SMIM14: variants seen among roughly 807,000 people sequenced by gnomAD.
SMIM14 encodes small integral membrane protein 14.
In SMIM14, 5 loss-of-function variants were observed where a neutral mutation model predicts 12.6. The observed-to-expected ratio is 0.40, with a 90% confidence interval of 0.21 to 0.83. The LOEUF (loss-of-function observed/expected upper bound fraction) is 0.83. Among genes scored for constraint, SMIM14 ranks in the 40% least tolerant of loss-of-function variants. The pLI is 0.37. For synonymous variants in SMIM14, 30 were observed against 40.1 expected (o/e 0.75, Z 0.95); for missense variants, 86 against 119.1 (o/e 0.72, Z 1.29).
rs1418438503 is a variant in SMIM14 at position 39,590,289 on chromosome 4, T to G, written c.75+14782A>C. On this transcript the variant is annotated intron_variant, in intron 2 of 4. Coordinates refer to ENST00000295958, the MANE Select transcript of SMIM14 (RefSeq NM_174921.3). ...TTAGCTGGGCGTGGTGGCGCTTGCC[T>G]GTAATCCCAGCTACTCAGGAGGCTG... 4.6e-5 allele frequency among the ~76,000 whole-genome samples: 7 copies of G among 151,632 alleles called. No individual in the cohort carries two copies. The East Asian group carries it at 1.4e-3, about 30-fold the overall frequency.
intron 2 of SMIM14, among the ~76,000 whole-genome samples, chr4:39,592,000 G>A (rs147346908): frequency 1.3e-5 from 2 of 151,722 alleles, no homozygotes; most frequent in South Asian, 2.1e-4. Flanking sequence ...TGAGACCAGC[G>A]TAGGCAACAC....
chr4:39,611,243 C>G (rs1450587699), intron 1 of SMIM14, among the ~76,000 whole-genome samples: 1 of 152,178 alleles, frequency 6.6e-6, no homozygotes, highest in Non-Finnish European at 1.5e-5. Context: ...CGGTGGCTCA[C>G]GCCTATAATC....
chr4:39,575,749 AT>A (rs35325470), intron 2 of SMIM14, among the ~76,000 whole-genome samples: 17,083 of 132,024 alleles, frequency 0.13, 1,057 homozygotes, highest in East Asian at 0.23. Context: ...ATGCCCAGCT[AT>A]TTTTTTTTTT....
chr4:39,576,656 A>ATG (rs202151412), intron 2 of SMIM14, among the ~76,000 whole-genome samples: 2,078 of 31,180 alleles, frequency 0.067, 146 homozygotes, highest in Admixed American at 0.12. Flanking sequence ...GTGTGTGTGT[A>ATG]TGTGTATATA....
intron 1 of SMIM14, among the ~76,000 whole-genome samples, chr4:39,620,179 G>GA (rs112205096): frequency 7.3e-4 from 98 of 133,414 alleles, no homozygotes; most frequent in Non-Finnish European, 7.9e-4. Context: ...TCTCTATTAA[G>GA]AAAAAAAAAA....
chr4:39,574,771 C>CGAATTCGTTTACAAAA (rs1415583875), intron 2 of SMIM14, among the ~76,000 whole-genome samples: 1 of 152,142 alleles, frequency 6.6e-6, no homozygotes, highest in Non-Finnish European at 1.5e-5. Context: ...GAATTAACAA[C>CGAATTCGTTTACAAAA]TAAACGAATC....
At chr4:39,587,324 G>A (rs904832905) in intron 2 of SMIM14, among the ~76,000 whole-genome samples, 27 of 150,960 alleles carry the variant, frequency 1.8e-4, no homozygotes, top group Non-Finnish European at 2.5e-4. Flanking sequence ...GTGAAACCCC[G>A]TCTCTACTAA....
chr4:39,557,416 T>C (rs368112356), intron 3 of SMIM14, among the ~76,000 whole-genome samples: 5 of 152,258 alleles, frequency 3.3e-5, no homozygotes, highest in African/African-American at 1.2e-4. Context: ...ATTCTTAATA[T>C]TTTGGGGTAA....
Position 39,547,479 on chromosome 4 carries a change from G to T in SMIM14, c.*4647C>A, listed in dbSNP as rs1461857835. The T allele has an allele frequency of 6.6e-6, 1 of 152,128 alleles. No homozygotes were observed. Among genetic ancestry groups the T allele is most frequent in the African/African-American group, 2.4e-5 (1 of 41,416 alleles). 9.4% of individuals were successfully genotyped at this position (152,128 alleles called of 1,614,324 possible). A position where few individuals can be genotyped will look rare whatever the true frequency, so the allele number is the denominator to read the frequency against. Reference sequence around the variant, plus strand: ...TTTAGCATATCACACGACCACTTTTGCTTTTAACAAACTAATCTTCACACA... The same window carrying T: ...TTTAGCATATCACACGACCACTTTTTCTTTTAACAAACTAATCTTCACACA... On this transcript the variant is annotated 3_prime_UTR_variant, in exon 5 of 5. Transcript: ENST00000295958.
intron 1 of SMIM14, chr4:39,612,113 T>G (rs1715057790): frequency 1.3e-5 from 2 of 150,726 alleles, no homozygotes; most frequent in African/African-American, 4.9e-5. Context: ...GTCAACACCT[T>G]TAAAAAAAAA....
chr4:39,619,876 A>ATATATAT (rs71192884), intron 1 of SMIM14, among the ~76,000 whole-genome samples: 1,901 of 115,800 alleles, frequency 0.016, 21 homozygotes, highest in Middle Eastern at 0.024. Context: ...ATATATATAT[A>ATATATAT]TTTTTTTTTT....
chr4:39,624,681 G>A (rs953417767), intron 1 of SMIM14, among the ~76,000 whole-genome samples: 1 of 150,772 alleles, frequency 6.6e-6, no homozygotes, highest in African/African-American at 2.4e-5. Flanking sequence ...AAAATTAGCT[G>A]GGCGTGGTGG....
intron 2 of SMIM14, among the ~76,000 whole-genome samples, chr4:39,598,181 A>C (rs778620649): frequency 3.3e-5 from 5 of 152,212 alleles, no homozygotes; most frequent in African/African-American, 4.8e-5. Flanking sequence ...TACTGCATAG[A>C]AGGGAAAAGA....
At chr4:39,597,438 ATTT>A (rs869157163) in intron 2 of SMIM14, among the ~76,000 whole-genome samples, 7 of 116,546 alleles carry the variant, frequency 6.0e-5, no homozygotes, top group African/African-American at 1.3e-4. Context: ...CACTGGTGGT[ATTT>A]TTTTTTTTTT....
At chr4:39,607,017 A>G (rs887686062) in intron 1 of SMIM14, among the ~76,000 whole-genome samples, 1 of 152,184 alleles carries the variant, frequency 6.6e-6, no homozygotes, top group Admixed American at 6.5e-5. Flanking sequence ...CAAAAATGAA[A>G]TAATAGAAAA....
intron 1 of SMIM14, among the ~76,000 whole-genome samples, chr4:39,633,235 A>G (rs745399220): frequency 5.9e-5 from 9 of 152,050 alleles, no homozygotes; most frequent in African/African-American, 1.4e-4. Flanking sequence ...CAGAGGTTAC[A>G]GTGAGCCGAG....
At chr4:39,591,164 T>C (rs1299565330) in intron 2 of SMIM14, among the ~76,000 whole-genome samples, 1 of 152,152 alleles carries the variant, frequency 6.6e-6, no homozygotes, top group Non-Finnish European at 1.5e-5. Flanking sequence ...GTACAGGCTA[T>C]GTAAACAGTG....
At chr4:39,596,858 C>A (rs779951067) in intron 2 of SMIM14, among the ~76,000 whole-genome samples, 1 of 152,168 alleles carries the variant, frequency 6.6e-6, no homozygotes, top group Non-Finnish European at 1.5e-5. Flanking sequence ...TCATTGCAGC[C>A]TTGACTTCCC....
intron 2 of SMIM14, among the ~76,000 whole-genome samples, chr4:39,595,021 A>C (rs1289088362): frequency 6.7e-6 from 1 of 148,508 alleles, no homozygotes; most frequent in Admixed American, 6.7e-5. Context: ...CTAGAACTAG[A>C]AATACCATTT....
Sources: allele counts gnomAD v4.1 joint callset (sites outside exome capture counted in the v4.1 genomes callset), GRCh38; gene constraint gnomAD v4.1.1; transcripts MANE v1.5; gene names NCBI Gene and HGNC (gene_info 2026-07-23, HGNC 2026-07-21).